Variants in PELI2 observed in about 807,000 individuals in gnomAD.
The protein encoded by PELI2 is E3 ubiquitin-protein ligase pellino homolog 2.
Under a neutral mutation model 42.3 loss-of-function variants are expected in PELI2, and 23 were observed. The ratio of observed to expected loss-of-function variants is 0.54; its 90% CI spans 0.39 to 0.77. The LOEUF is 0.77. Ranked by LOEUF, PELI2 falls within the 30% of genes least tolerant of loss-of-function variation. The pLI, the probability that PELI2 is intolerant of heterozygous loss-of-function variation, is 0.00. For synonymous variants in PELI2, 245 were observed against 212.2 expected (o/e 1.15, Z -1.34); for missense variants, 463 against 553.2 (o/e 0.84, Z 1.64).
At position 56,178,628 on chromosome 14, in the gene PELI2, G is replaced by C. The variant is rs184513474; in HGVS notation, c.207+164G>C. Among the ~76,000 whole-genome samples the C allele has an allele frequency of 5.9e-5, 9 of 152,296 alleles. No individual in the cohort carries two copies. The East Asian group carries it at 1.5e-3, about 26-fold the overall frequency. ...GTGAGGGGCTGTGCTGTGCATTGTAGGGTGTTTAGCAGCTTCCCTGGCCTT... is the reference window on the plus strand; with the variant it reads ...GTGAGGGGCTGTGCTGTGCATTGTACGGTGTTTAGCAGCTTCCCTGGCCTT... On this transcript the variant is annotated intron_variant, in intron 2 of 5. Transcript: ENST00000267460.
intron 1 of PELI2, among the ~76,000 whole-genome samples, chr14:56,142,218 CTG>C (rs1170104752): frequency 6.6e-6 from 1 of 152,192 alleles, no homozygotes; most frequent in Non-Finnish European, 1.5e-5. Context: ...ATTTAGAAAT[CTG>C]TTGGATAGAA....
At position 56,170,925 on chromosome 14, in the gene PELI2, A is replaced by C. The variant is rs145484636; in HGVS notation, c.78-7410A>C. Among the ~76,000 whole-genome samples, 85 of 152,328 alleles carry C rather than the reference A, an allele frequency of 5.6e-4. 1 individual carries two copies. The highest frequency in any genetic ancestry group is 2.0e-3 in the African/African-American group (84 of 41,578). On this transcript the variant is annotated intron_variant, in intron 1 of 5. Transcript: ENST00000267460. ...AGAAAGTTAAGCCTGAAAGGCTCTT[A>C]TGGGCTCGAATTGAAACACCCCTGT... is the stretch of plus-strand genomic sequence containing the variant.
Position 56,290,253 on chromosome 14 carries a change from C to T in PELI2, c.508-15C>T, listed in dbSNP as rs747469269. The stretch of plus-strand genomic sequence containing the variant: ...ATCTTAACCTACTTTTTCTGTTCTG[C>T]TGTGTTCTCTCCAGGAAAAGGCAGC... On this transcript the variant is annotated splice_polypyrimidine_tract_variant and intron_variant, in intron 4 of 5. Transcript: ENST00000267460. The T allele has an allele frequency of 1.3e-6, 2 of 1,536,514 alleles. No individual in the cohort carries two copies. The highest frequency in any genetic ancestry group is 2.5e-5 in the South Asian group (2 of 79,314).
chr14:56,164,114 G>A (rs747777675), intron 1 of PELI2, among the ~76,000 whole-genome samples: 6 of 151,992 alleles, frequency 3.9e-5, no homozygotes, highest in Admixed American at 1.3e-4. Context: ...AGTGGGCATC[G>A]TTGTTATGTT....
intron 1 of PELI2, among the ~76,000 whole-genome samples, chr14:56,137,047 T>C (rs1387035574): frequency 6.6e-6 from 1 of 152,208 alleles, no homozygotes; most frequent in African/African-American, 2.4e-5. Flanking sequence ...TGCTTGGGTG[T>C]TACTGAAACA....
intron 2 of PELI2, among the ~76,000 whole-genome samples, chr14:56,266,851 A>T (rs1351763653): frequency 6.6e-6 from 1 of 152,112 alleles, no homozygotes; most frequent in Non-Finnish European, 1.5e-5. Context: ...GCTAAAAAAG[A>T]TGCATTAAAT....
intron 2 of PELI2, among the ~76,000 whole-genome samples, chr14:56,269,661 A>C (rs1889029699): frequency 1.3e-5 from 2 of 152,214 alleles, no homozygotes; most frequent in Admixed American, 1.3e-4. Flanking sequence ...AGGCCAGAGT[A>C]CTTACGTAAC....
intron 1 of PELI2, among the ~76,000 whole-genome samples, chr14:56,132,616 GT>G (rs1256026590): frequency 1.3e-5 from 2 of 152,064 alleles, no homozygotes; most frequent in East Asian, 3.9e-4. Context: ...GCCTGCCCCT[GT>G]TTTTCCTGTT....
chr14:56,191,802 G>A (rs1885957392), intron 2 of PELI2, among the ~76,000 whole-genome samples: 1 of 152,154 alleles, frequency 6.6e-6, no homozygotes, highest in South Asian at 2.1e-4. Flanking sequence ...TTTTGCTCTA[G>A]TTAACTACCT....
intron 2 of PELI2, among the ~76,000 whole-genome samples, chr14:56,205,545 G>A (rs1040859904): frequency 6.6e-6 from 1 of 152,136 alleles, no homozygotes; most frequent in African/African-American, 2.4e-5. Flanking sequence ...AGGTTGTCGG[G>A]GCGTGGGGTT....
intron 3 of PELI2, among the ~76,000 whole-genome samples, chr14:56,286,402 T>A (rs1195055250): frequency 6.6e-6 from 1 of 152,200 alleles, no homozygotes; most frequent in Non-Finnish European, 1.5e-5. Context: ...TCTAGATGCT[T>A]TGATACCATC....
intron 1 of PELI2, among the ~76,000 whole-genome samples, chr14:56,168,807 C>T (rs1393675797): frequency 6.6e-6 from 1 of 152,130 alleles, no homozygotes; most frequent in Non-Finnish European, 1.5e-5. Context: ...GCAAGTCTCA[C>T]CAGAAGCCAC....
chr14:56,229,271 C>G (rs2139766081), intron 2 of PELI2, among the ~76,000 whole-genome samples: 1 of 152,354 alleles, frequency 6.6e-6, no homozygotes, highest in Non-Finnish European at 1.5e-5. Flanking sequence ...AGTTTGAGAT[C>G]TGAGAACGGA....
rs2139699617 is a variant in PELI2 at position 56,197,621 on chromosome 14, A to G, written c.207+19157A>G. On this transcript the variant is annotated intron_variant, in intron 2 of 5. Coordinates refer to ENST00000267460, the MANE Select transcript of PELI2 (RefSeq NM_021255.3). The surrounding 1 kb of genome is among the most constrained non-coding windows in gnomAD (Gnocchi z 4.9). ...TTAGACTAGTGTAATGGTTAATTGT[A>G]TGTGTTAACTTGGCTGGGCCATTGT... 6.6e-6 allele frequency among the ~76,000 whole-genome samples: 1 copy of G among 152,284 alleles called. No individual in the cohort carries two copies. The highest frequency in any genetic ancestry group is 2.1e-4 in the South Asian group (1 of 4,830).
intron 2 of PELI2, among the ~76,000 whole-genome samples, chr14:56,189,310 C>T (rs1885878215): frequency 6.6e-6 from 1 of 152,134 alleles, no homozygotes; most frequent in African/African-American, 2.4e-5. Flanking sequence ...GGGCTGTGTT[C>T]CTTGTGGAAA....
chr14:56,212,546 C>CA, intron 2 of PELI2, among the ~76,000 whole-genome samples: 1 of 152,326 alleles, frequency 6.6e-6, no homozygotes, highest in South Asian at 2.1e-4. Flanking sequence ...GAGTTGAAGA[C>CA]AAAGTATGAG....
intron 4 of PELI2, among the ~76,000 whole-genome samples, chr14:56,289,682 G>A (rs1421541714): frequency 6.6e-6 from 1 of 152,036 alleles, no homozygotes; most frequent in Non-Finnish European, 1.5e-5. Context: ...GGGAAGAGCT[G>A]TGGCACAAGC....
At chr14:56,290,133 A>T in intron 4 of PELI2, 135 bp from the exon 5 acceptor site, 2 of 607,128 alleles carry the variant, frequency 3.3e-6, no homozygotes, top group Non-Finnish European at 5.6e-6. Context: ...TGTGATTATT[A>T]GCTTTAAATA....
intron 5 of PELI2, among the ~76,000 whole-genome samples, chr14:56,296,086 T>G (rs1889989942): frequency 6.6e-6 from 1 of 152,204 alleles, no homozygotes; most frequent in Admixed American, 6.5e-5. Context: ...ACCTTAAAAA[T>G]GAATGATGAA....
Sources: gnomAD v4.1 joint callset for allele counts (sites outside exome capture counted in the v4.1 genomes callset) on GRCh38, gnomAD v4.1.1 for gene constraint, Gnocchi (gnomAD v3.1) non-coding constraint, MANE v1.5 for transcripts, NCBI Gene and HGNC (gene_info 2026-07-23, HGNC 2026-07-21) for gene names.